Variants in ANO10 observed in about 807,000 individuals in gnomAD.
ANO10 encodes the protein anoctamin-10.
In ANO10, 77 loss-of-function variants were observed where a neutral mutation model predicts 74.7. That is an observed-to-expected ratio of 1.03 (90% CI 0.86 to 1.25). The LOEUF (loss-of-function observed/expected upper bound fraction) is 1.25. Ranked by LOEUF, ANO10 falls within the 50% of genes most tolerant of loss-of-function variation. ANO10 has a pLI of 0.00. For missense variants in ANO10, 721 were observed against 778.1 expected, an observed-to-expected ratio of 0.93 and a Z score of 0.87; for synonymous variants, 279 against 284.9, an observed-to-expected ratio of 0.98 and a Z score of 0.21.
intron 10 of ANO10, among the ~76,000 whole-genome samples, chr3:43,552,352 T>C (rs1223735221): frequency 6.6e-6 from 1 of 152,076 alleles, no homozygotes; most frequent in Non-Finnish European, 1.5e-5. Flanking sequence ...GCCAACCTGG[T>C]CAACATAGTG....
At chr3:43,542,761 TA>T (rs1453736848) in intron 11 of ANO10, among the ~76,000 whole-genome samples, 1 of 152,176 alleles carries the variant, frequency 6.6e-6, no homozygotes, top group Non-Finnish European at 1.5e-5. Flanking sequence ...AAAATGATAA[TA>T]AAGATAACGA....
intron 10 of ANO10, among the ~76,000 whole-genome samples, chr3:43,553,423 T>G (rs187401775): frequency 8.5e-4 from 130 of 152,248 alleles, no homozygotes; most frequent in African/African-American, 2.8e-3. Context: ...CTTCTCTCCT[T>G]CTGTAACTCC....
intron 11 of ANO10, among the ~76,000 whole-genome samples, chr3:43,498,002 T>C (rs2076974287): frequency 6.6e-6 from 1 of 152,212 alleles, no homozygotes; most frequent in African/African-American, 2.4e-5. Context: ...GTACTTCTTA[T>C]ATGGAATGAC....
chr3:43,540,997 T>A (rs962645347), intron 11 of ANO10, among the ~76,000 whole-genome samples: 1 of 151,880 alleles, frequency 6.6e-6, no homozygotes. Context: ...AAAGAGCCCA[T>A]GGAAAGACTA....
intron 10 of ANO10, chr3:43,551,373 GT>G (rs201149263): frequency 1.1e-5 from 4 of 352,128 alleles, no homozygotes; most frequent in Non-Finnish European, 2.2e-5. Flanking sequence ...AAACTTTCAG[GT>G]TTTTTTTAAA....
At chr3:43,655,672 A>C (rs898758376) in intron 1 of ANO10, among the ~76,000 whole-genome samples, 9 of 151,950 alleles carry the variant, frequency 5.9e-5, no homozygotes, top group Non-Finnish European at 8.8e-5. Context: ...TTAGATACAG[A>C]GTATGGACAC....
chr3:43,681,797 G>C (rs1329874174), intron 1 of ANO10, among the ~76,000 whole-genome samples: 18 of 152,064 alleles, frequency 1.2e-4, no homozygotes, highest in African/African-American at 4.1e-4. Flanking sequence ...GCTCAACTAC[G>C]TGGAAACTGA....
intron 12 of ANO10, among the ~76,000 whole-genome samples, chr3:43,427,346 C>T (rs114342588): frequency 2.0e-5 from 3 of 152,068 alleles, no homozygotes; most frequent in African/African-American, 4.8e-5. Context: ...CTGGGCGCCA[C>T]CTTCGATTTA....
chr3:43,486,212 C>CT (rs2076482331), intron 11 of ANO10, among the ~76,000 whole-genome samples: 1 of 152,214 alleles, frequency 6.6e-6, no homozygotes, highest in Admixed American at 6.5e-5. Context: ...AGCTATGAGG[C>CT]TTCATGTACA....
At chr3:43,639,966 C>A (rs1380869219) in intron 1 of ANO10, among the ~76,000 whole-genome samples, 1 of 152,090 alleles carries the variant, frequency 6.6e-6, no homozygotes, top group East Asian at 1.9e-4. Flanking sequence ...TGTCGCTAGC[C>A]TAAGCAAGCC....
chr3:43,619,846 G>A (rs2083296729), intron 1 of ANO10, among the ~76,000 whole-genome samples: 1 of 150,118 alleles, frequency 6.7e-6, no homozygotes, highest in African/African-American at 2.5e-5. Flanking sequence ...CTGCAGTTTG[G>A]GCAACAGAGT....
intron 1 of ANO10, among the ~76,000 whole-genome samples, chr3:43,686,452 A>C (rs1423987001): frequency 1.3e-5 from 2 of 152,038 alleles, no homozygotes; most frequent in East Asian, 3.9e-4. Flanking sequence ...ACACCCAGCT[A>C]ATTTTTCACT....
At chr3:43,439,717 A>C (rs2093130597) in intron 11 of ANO10, among the ~76,000 whole-genome samples, 1 of 151,842 alleles carries the variant, frequency 6.6e-6, no homozygotes, top group East Asian at 1.9e-4. Context: ...CTGTCTCACA[A>C]AAAAAATACA....
At chr3:43,576,613 A>G (rs1478278957) in intron 6 of ANO10, 79 bp downstream of exon 6, 3 of 1,440,702 alleles carry the variant, frequency 2.1e-6, no homozygotes, top group Non-Finnish European at 2.9e-6. Context: ...TCTGCAAGGT[A>G]GCAGCTATGT....
At chr3:43,594,834 T>G (rs1158058603) in intron 4 of ANO10, among the ~76,000 whole-genome samples, 1 of 152,000 alleles carries the variant, frequency 6.6e-6, no homozygotes, top group African/African-American at 2.4e-5. Flanking sequence ...GCTGGTTTTT[T>G]GAAAAGATCA....
rs1315149451 is a variant in ANO10 at position 43,603,467 on chromosome 3, A to C, written c.139+2247T>G. ...AATTTTACTGAGTGCTTTTTTCCTA[A>C]AGGATTTTTATAATATCCTATTCTT... is the stretch of plus-strand genomic sequence containing the variant. On this transcript the variant is annotated intron_variant, in intron 2 of 12. Transcript: ENST00000292246. 3.9e-5 allele frequency among the ~76,000 whole-genome samples: 6 copies of C among 151,910 alleles called. No homozygotes were observed. In the East Asian group the frequency reaches 1.2e-3, roughly 29 times the overall value.
chr3:43,490,132 C>G (rs980198173), intron 11 of ANO10, among the ~76,000 whole-genome samples: 10 of 152,176 alleles, frequency 6.6e-5, no homozygotes, highest in Non-Finnish European at 1.5e-4. Context: ...AGAAGGCTTA[C>G]GTAAAGTCAC....
intron 4 of ANO10, among the ~76,000 whole-genome samples, chr3:43,582,360 G>A (rs551518117): frequency 1.3e-5 from 2 of 152,134 alleles, no homozygotes; most frequent in Non-Finnish European, 2.9e-5. Flanking sequence ...GCTGAGACAG[G>A]AGAATGGCAT....
intron 1 of ANO10, chr3:43,617,966 T>TA (rs2083202255): frequency 6.6e-6 from 1 of 152,126 alleles, no homozygotes; most frequent in Admixed American, 6.5e-5. Context: ...ATGGCCAGGC[T>TA]AAAAGAGGGC....
Sources: gnomAD v4.1 joint callset for allele counts (sites outside exome capture counted in the v4.1 genomes callset) on GRCh38, gnomAD v4.1.1 for gene constraint, MANE v1.5 for transcripts, NCBI Gene and HGNC (gene_info 2026-07-23, HGNC 2026-07-21) for gene names.